HECTD4: variants seen among roughly 807,000 people sequenced by gnomAD.
The protein encoded by HECTD4 is probable E3 ubiquitin-protein ligase HECTD4.
Under a neutral mutation model 471.5 loss-of-function variants are expected in HECTD4, and 114 were observed. The observed-to-expected ratio is 0.24, with a 90% confidence interval of 0.21 to 0.28. The LOEUF (loss-of-function observed/expected upper bound fraction) is 0.28. Ranked by LOEUF, HECTD4 falls within the 10% of genes least tolerant of loss-of-function variation. The probability of loss-of-function intolerance (pLI) is 1.00; values close to 1 mark genes in which losing one functional copy is unlikely to be tolerated. For synonymous variants in HECTD4, 2,012 were observed against 2,256.0 expected (o/e 0.89, Z 3.07); for missense variants, 3,866 against 5,651.5 (o/e 0.68, Z 10.13).
At chr12:112,223,411 T>C (rs1357783681) in intron 44 of HECTD4, among the ~76,000 whole-genome samples, 1 of 152,186 alleles carries the variant, frequency 6.6e-6, no homozygotes, top group Non-Finnish European at 1.5e-5. Flanking sequence ...CTCAGGAATA[T>C]TTCTTTTTTT....
chr12:112,165,493 A>G (rs2030907594), intron 72 of HECTD4, among the ~76,000 whole-genome samples: 1 of 151,278 alleles, frequency 6.6e-6, no homozygotes, highest in Admixed American at 6.6e-5. Flanking sequence ...CTGGGACTAC[A>G]GGCGCCCGCC....
At chr12:112,317,956 CAAAAAAAAAAAAAAA>C (rs59773169) in intron 2 of HECTD4, among the ~76,000 whole-genome samples, 1 of 22,230 alleles carries the variant, frequency 4.5e-5, no homozygotes. Context: ...GACCCCATCT[CAAAAAAAAAAAAAAA>C]AAAAAAAAAA....
chr12:112,195,317 T>G (rs1342162209), intron 55 of HECTD4, among the ~76,000 whole-genome samples: 5 of 152,306 alleles, frequency 3.3e-5, no homozygotes, highest in African/African-American at 9.6e-5. Context: ...GCACAAAAAT[T>G]TGTACATGTA....
intron 1 of HECTD4, among the ~76,000 whole-genome samples, chr12:112,361,383 C>T (rs769323264): frequency 5.3e-5 from 8 of 152,102 alleles, no homozygotes; most frequent in Non-Finnish European, 8.8e-5. Flanking sequence ...GATCCTCCCA[C>T]CTCAGCCTCC....
At chr12:112,320,025 T>C (rs2035552668) in intron 1 of HECTD4, among the ~76,000 whole-genome samples, 1 of 152,180 alleles carries the variant, frequency 6.6e-6, no homozygotes, top group African/African-American at 2.4e-5. Context: ...ATTAACTCCA[T>C]AATTTATTTT....
chr12:112,335,147 CACACACACACACACACACAG>C (rs1232643771), intron 1 of HECTD4, among the ~76,000 whole-genome samples: 2 of 151,812 alleles, frequency 1.3e-5, no homozygotes, highest in East Asian at 3.9e-4. Flanking sequence ...CTGTGATACA[CACACACACACACACACACAG>C]ACACACACAC....
intron 55 of HECTD4, among the ~76,000 whole-genome samples, chr12:112,198,930 T>C (rs2032330315): frequency 6.6e-6 from 1 of 152,158 alleles, no homozygotes; most frequent in African/African-American, 2.4e-5. Flanking sequence ...AAGAAGAACA[T>C]TCTTGGTGGG....
intron 1 of HECTD4, among the ~76,000 whole-genome samples, chr12:112,355,577 T>G (rs1342376190): frequency 2.0e-5 from 3 of 151,850 alleles, no homozygotes; most frequent in Non-Finnish European, 4.4e-5. Flanking sequence ...CTGACCAACA[T>G]GGAGAAACCC....
chr12:112,261,563 G>A (rs551429108), intron 17 of HECTD4, 134 bp from the exon 18 acceptor site: 680 of 892,738 alleles, frequency 7.6e-4, no homozygotes, highest in Non-Finnish European at 1.0e-3. Context: ...GCCCAAAGCA[G>A]TAAATTCTGC....
chr12:112,184,936 C>G lies in HECTD4; in HGVS notation c.10030G>C (p.Gly3344Arg). 1 of 1,613,820 alleles carries G rather than the reference C, an allele frequency of 6.2e-7. No individual in the cohort carries two copies. The highest frequency in any genetic ancestry group is 8.5e-7 in the Non-Finnish European group (1 of 1,179,872). The change falls in exon 61 of 76, where the codon GGA (glycine) becomes CGA (arginine). Residue 3344 changes from glycine to arginine, a missense_variant. Physicochemically the swap from Gly to Arg is moderately radical, Grantham distance 125. Transcript: ENST00000682272. This position sits in a 1 kb window ranked among gnomAD's most constrained non-coding sequence, Gnocchi z 9.1. The part of the protein sequence containing the change: ...VDSDPTVLSI[G>R]GSKPEDMLWF... The stretch of plus-strand genomic sequence containing the variant: ...AGCATGTCCTCGGGCTTGCTGCCTC[C>G]GATGCTGAGCACGGTGGGGTCCGAG...
chr12:112,188,246 A>C lies in HECTD4; in HGVS notation c.9472+2540T>G, dbSNP rs1190862765. 6.6e-6 allele frequency among the ~76,000 whole-genome samples: 1 copy of C among 152,150 alleles called. No homozygotes were observed. The highest frequency in any genetic ancestry group is 2.4e-5 in the African/African-American group (1 of 41,450). On this transcript the variant is annotated intron_variant, in intron 60 of 75. Transcript: ENST00000682272. This position sits in a 1 kb window ranked among gnomAD's most constrained non-coding sequence, Gnocchi z 4.2. ...GGAAGTTGCAGTGAGCTGAGATCGC[A>C]CCACTGCGCTCCAGCCTGGGTGACA...
At chr12:112,342,584 G>A (rs2036072117) in intron 1 of HECTD4, among the ~76,000 whole-genome samples, 1 of 152,198 alleles carries the variant, frequency 6.6e-6, no homozygotes, top group Middle Eastern at 3.4e-3. Flanking sequence ...ATATAAAATT[G>A]CCTGATCTTA....
chr12:112,359,178 G>A (rs962275081), intron 1 of HECTD4, among the ~76,000 whole-genome samples: 8 of 148,848 alleles, frequency 5.4e-5, no homozygotes, highest in Non-Finnish European at 1.0e-4. Context: ...GCAAGACTCC[G>A]TCTCAAAAAA....
intron 7 of HECTD4, chr12:112,301,800 GTTTTT>G: frequency 2.1e-6 from 1 of 476,458 alleles, no homozygotes; most frequent in South Asian, 2.5e-5. Context: ...TCAGCTAGCT[GTTTTT>G]TTTTTTAAGG....
At chr12:112,288,120 G>C (rs1488147123) in intron 7 of HECTD4, among the ~76,000 whole-genome samples, 2 of 151,712 alleles carry the variant, frequency 1.3e-5, no homozygotes, top group Non-Finnish European at 2.9e-5. Context: ...CTTGAGGCCA[G>C]GAGTTCGAGA....
Position 112,184,370 on chromosome 12 carries a change from G to A in HECTD4, c.10596C>T (p.Ser3532=). Residue 3532 remains serine, a synonymous_variant, in exon 61 of 76, where the codon AGC becomes AGT. Coordinates refer to ENST00000682272, the MANE Select transcript of HECTD4 (RefSeq NM_001388303.1). The surrounding 1 kb of genome is among the most constrained non-coding windows in gnomAD (Gnocchi z 9.1). ...PGLLEPHAVS[S]QESLDISLCS... ...ACAGGGAAATGTCCAGGCTTTCCTG[G>A]CTGGACACCGCGTGGGGCTCCAACA... 1 of 1,611,314 alleles carries A rather than the reference G, an allele frequency of 6.2e-7. No homozygotes were observed. Among genetic ancestry groups the A allele is most frequent in the Non-Finnish European group, 8.5e-7 (1 of 1,179,354 alleles).
rs1017664314 is a variant in HECTD4 at position 112,382,090 on chromosome 12, C to T, written c.39G>A (p.Ala13=). 5.9e-4 allele frequency: 666 copies of T among 1,122,210 alleles called. 1 individual carries two copies. The highest frequency in any genetic ancestry group is 7.8e-4 in the Admixed American group (17 of 21,830). 69.5% of individuals were successfully genotyped at this position (1,122,210 alleles called of 1,614,324 possible). ...SSAAAAAAAA[A]AADSAQWLSV... ...AGAGCCACTGCGCCGAGTCAGCGGC[C>T]GCCGCCGCCGCCGCCGCCGCGGCCG... Residue 13 remains alanine, a synonymous_variant, in exon 1 of 76, where the codon GCG becomes GCA. Coordinates refer to ENST00000682272, the MANE Select transcript of HECTD4 (RefSeq NM_001388303.1).
intron 55 of HECTD4, among the ~76,000 whole-genome samples, chr12:112,197,973 C>T (rs1352060343): frequency 6.6e-6 from 1 of 152,024 alleles, no homozygotes; most frequent in Non-Finnish European, 1.5e-5. Context: ...GTAGCTGGGA[C>T]CATAGGCACA....
At chr12:112,346,149 T>C (rs1184354500) in intron 1 of HECTD4, among the ~76,000 whole-genome samples, 1 of 152,182 alleles carries the variant, frequency 6.6e-6, no homozygotes, top group African/African-American at 2.4e-5. Context: ...GTTAACCCAT[T>C]GGCCAAGGTT....
Sources: allele counts gnomAD v4.1 joint callset (sites outside exome capture counted in the v4.1 genomes callset), GRCh38; gene constraint gnomAD v4.1.1; non-coding constraint Gnocchi (gnomAD v3.1); transcripts MANE v1.5; gene names NCBI Gene and HGNC (gene_info 2026-07-23, HGNC 2026-07-21).